Variants in TENM1 observed in about 807,000 individuals in gnomAD.
TENM1 encodes teneurin transmembrane protein 1.
A neutral mutation model predicts 174.8 loss-of-function variants in TENM1; 35 were observed. The ratio of observed to expected loss-of-function variants is 0.20; its 90% CI spans 0.15 to 0.27. The LOEUF (loss-of-function observed/expected upper bound fraction) is 0.27, where lower values mean the gene tolerates loss of function less well. TENM1 is among the 10% of genes least tolerant of loss of function. The pLI, the probability that TENM1 is intolerant of heterozygous loss-of-function variation, is 1.00. For missense variants in TENM1, 1,633 were observed against 2,130.1 expected, an observed-to-expected ratio of 0.77 and a Z score of 4.59; for synonymous variants, 781 against 798.7, an observed-to-expected ratio of 0.98 and a Z score of 0.37.
intron 11 of TENM1, among the ~76,000 whole-genome samples, chrX:124,592,438 T>A (rs1284983626): frequency 1.0e-5 from 1 of 97,423 alleles, no homozygotes; most frequent in Admixed American, 1.1e-4. Flanking sequence ...TTATTGGTTT[T>A]TTTTTTTTTT....
At chrX:124,509,861 C>T (rs1252697871) in intron 18 of TENM1, among the ~76,000 whole-genome samples, 1 of 108,106 alleles carries the variant, frequency 9.3e-6, no homozygotes, top group Non-Finnish European at 1.9e-5. Context: ...GTTGGGATTA[C>T]AGGCATGTGC....
chrX:125,191,923 G>T, the TENM1 span, among the ~76,000 whole-genome samples: 1 of 106,087 alleles, frequency 9.4e-6, no homozygotes, highest in Admixed American at 1.0e-4. Flanking sequence ...AATAAGCTAG[G>T]TTTTTTTTTT....
At chrX:124,979,171 C>A in the TENM1 span, among the ~76,000 whole-genome samples, 3 of 112,804 alleles carry the variant, frequency 2.7e-5, no homozygotes, top group Non-Finnish European at 5.6e-5. Context: ...ATGAGCAGTC[C>A]CAGGCCTAAT....
At chrX:124,988,297 C>G in the TENM1 span, among the ~76,000 whole-genome samples, 9 of 111,498 alleles carry the variant, frequency 8.1e-5, no homozygotes, top group East Asian at 2.2e-3. Flanking sequence ...TTAGGAACAA[C>G]TTTGTAGCAA....
intron 3 of TENM1, among the ~76,000 whole-genome samples, chrX:124,852,290 G>A (rs780210836): frequency 4.5e-4 from 50 of 110,700 alleles, no homozygotes; most frequent in South Asian, 1.5e-3. Flanking sequence ...CAGTATAAAA[G>A]CTTGATTGGA....
chrX:124,652,042 C>G, exon 8 of TENM1: 1 of 1,211,451 alleles, frequency 8.3e-7, no homozygotes, highest in Non-Finnish European at 1.1e-6. Context: ...GATCAGGTTC[C>G]GAGGGGAGTG....
chrX:124,644,956 A>G (rs1421282097), intron 10 of TENM1, among the ~76,000 whole-genome samples, 187 bp downstream of exon 13: 1 of 111,403 alleles, frequency 9.0e-6, no homozygotes, highest in Non-Finnish European at 1.9e-5. Flanking sequence ...AGCCTCATGT[A>G]TAACATTAGA....
In TENM1 at chrX:124,545,346, C is replaced by T. The variant is rs190580806; in HGVS notation, c.2651+1528G>A. ...GTGCTGCTGATGCATGAAGCTAAAC[C>T]GCAGGGATTTAAGTTTGTCCTCACT... On this transcript the variant is annotated intron_variant, in intron 15 of 31. Transcript: ENST00000422452. Among the ~76,000 whole-genome samples the T allele has an allele frequency of 4.4e-4, 49 of 112,065 alleles. No homozygotes were observed. In the East Asian group the frequency reaches 6.2e-3, roughly 14 times the overall value.
chrX:124,807,623 A>G (rs952394303), intron 3 of TENM1, among the ~76,000 whole-genome samples: 2 of 111,641 alleles, frequency 1.8e-5, no homozygotes, highest in African/African-American at 6.5e-5. Flanking sequence ...TAATAGCTAC[A>G]ATAACCTGTT....
Position 124,668,959 on chromosome X carries a change from C to T in TENM1, c.1168+2724G>A, listed in dbSNP as rs147338432. Among the ~76,000 whole-genome samples, 19 of 111,591 alleles carry T rather than the reference C, an allele frequency of 1.7e-4. No homozygotes were observed. In the East Asian group the frequency reaches 3.6e-3, roughly 21 times the overall value. On this transcript the variant is annotated intron_variant, in intron 6 of 31. Transcript: ENST00000422452. ...CAAACTTTAAAGAGAGAAAACACTT[C>T]GATCTCAAGAAGGTCATCATTCACT...
chrX:124,812,385 G>GA (rs2055800164), intron 3 of TENM1, among the ~76,000 whole-genome samples: 2 of 111,467 alleles, frequency 1.8e-5, no homozygotes, highest in South Asian at 7.4e-4. Context: ...TGTCAGGAAA[G>GA]AAAAGAAACA....
At chrX:124,829,797 C>T (rs1427818628) in intron 3 of TENM1, among the ~76,000 whole-genome samples, 2 of 112,340 alleles carry the variant, frequency 1.8e-5, no homozygotes, top group Non-Finnish European at 1.9e-5. Context: ...CCTGCTTAGG[C>T]TCTTAGTTGT....
chrX:124,477,200 T>C (rs2046745264), intron 22 of TENM1, among the ~76,000 whole-genome samples: 1 of 103,166 alleles, frequency 9.7e-6, no homozygotes, highest in Admixed American at 9.9e-5. Flanking sequence ...AAGTTTCTAA[T>C]TACAGAATCT....
intron 10 of TENM1, among the ~76,000 whole-genome samples, chrX:124,644,147 T>A (rs1569361561): frequency 2.0e-5 from 2 of 98,248 alleles, no homozygotes; most frequent in African/African-American, 7.4e-5. Context: ...ATATATAAAT[T>A]TATATATATA....
At chrX:124,583,412 A>G (rs937896553) in intron 11 of TENM1, among the ~76,000 whole-genome samples, 6 of 112,096 alleles carry the variant, frequency 5.4e-5, no homozygotes, top group Admixed American at 1.9e-4. Context: ...TGCTGCTGGT[A>G]CCCAGGCAAA....
At chrX:125,115,847 C>G in the TENM1 span, among the ~76,000 whole-genome samples, 2 of 110,037 alleles carry the variant, frequency 1.8e-5, no homozygotes, top group Non-Finnish European at 3.8e-5. Context: ...CTATCCCCAT[C>G]AAGCTACCAT....
At chrX:125,093,739 C>CT in the TENM1 span, among the ~76,000 whole-genome samples, 1 of 111,617 alleles carries the variant, frequency 9.0e-6, no homozygotes, top group Non-Finnish European at 1.9e-5. Context: ...AGTCCCAGTT[C>CT]TTTTTTTATT....
In TENM1 at chrX:124,809,174, T is replaced by C. The variant is rs183778397; in HGVS notation, c.536-71977A>G. Among the ~76,000 whole-genome samples the C allele has an allele frequency of 7.3e-3, 821 of 111,918 alleles. 5 individuals are homozygous for C. The highest frequency in any genetic ancestry group is 0.025 in the African/African-American group (782 of 30,831). On this transcript the variant is annotated intron_variant, in intron 3 of 31. Transcript: ENST00000422452. ...TTCATGATATGATTATGAACAATTA[T>C]ATGTCAACATATTGGATAGCCTAGA...
At chrX:125,186,335 G>A in the TENM1 span, among the ~76,000 whole-genome samples, 1 of 111,011 alleles carries the variant, frequency 9.0e-6, no homozygotes, top group African/African-American at 3.3e-5. Context: ...TTTTACCAAC[G>A]TCCCACATGG....
Sources: allele counts gnomAD v4.1 joint callset (sites outside exome capture counted in the v4.1 genomes callset), GRCh38; gene constraint gnomAD v4.1.1; transcripts MANE v1.5; gene names NCBI Gene and HGNC (gene_info 2026-07-23, HGNC 2026-07-21).